Variants in NRG1 observed in about 807,000 individuals in gnomAD.
NRG1 encodes the protein neuregulin 1.
Under a neutral mutation model 63.8 loss-of-function variants are expected in NRG1, and 18 were observed. The observed-to-expected ratio is 0.28, with a 90% CI of 0.19 to 0.42. NRG1 has a LOEUF of 0.42. Ranked by LOEUF, NRG1 falls within the 10% of genes least tolerant of loss-of-function variation. The pLI, the probability that NRG1 is intolerant of heterozygous loss-of-function variation, is 1.00. For synonymous variants in NRG1, 302 were observed against 301.3 expected (o/e 1.00, Z -0.02); for missense variants, 762 against 814.7 (o/e 0.94, Z 0.79).
intron 1 of NRG1, among the ~76,000 whole-genome samples, chr8:31,855,065 G>A (rs1262735198): frequency 1.3e-5 from 2 of 152,046 alleles, no homozygotes; most frequent in Admixed American, 6.5e-5. Flanking sequence ...GTGTGGTGTG[G>A]TGCTGAAAAA....
intron 1 of NRG1, among the ~76,000 whole-genome samples, chr8:32,094,616 A>T (rs945786156): frequency 6.6e-6 from 1 of 152,164 alleles, no homozygotes; most frequent in East Asian, 1.9e-4. Flanking sequence ...GCTAAGAGGG[A>T]TATAATGAGT....
intron 1 of NRG1, among the ~76,000 whole-genome samples, chr8:32,358,584 A>C (rs2129480855): frequency 6.6e-6 from 1 of 152,276 alleles, no homozygotes; most frequent in African/African-American, 2.4e-5. Flanking sequence ...GCATGACAGA[A>C]GTACAGGAAT....
chr8:32,319,042 G>T lies in NRG1; in HGVS notation c.38-276786G>T, dbSNP rs538073780. Among the ~76,000 whole-genome samples, 4 of 152,254 alleles carry T rather than the reference G, an allele frequency of 2.6e-5. No homozygotes were observed. The South Asian group carries it at 6.2e-4, about 24-fold the overall frequency. On this transcript the variant is annotated intron_variant, in intron 1 of 10. Coordinates refer to the NRG1 transcript ENST00000519301. ...CTTGCCAACACCACTGATGTTTGAC[G>T]TGAAGGTGAAAAGTTCAGTGGCCCA...
intron 1 of NRG1, among the ~76,000 whole-genome samples, chr8:31,737,095 A>G (rs1012418556): frequency 5.3e-5 from 8 of 152,136 alleles, no homozygotes; most frequent in African/African-American, 1.4e-4. Flanking sequence ...AAAGATATCA[A>G]ACTTATTAGA....
At chr8:32,113,482 C>T (rs1585382046) in intron 1 of NRG1, among the ~76,000 whole-genome samples, 1 of 152,156 alleles carries the variant, frequency 6.6e-6, no homozygotes. Context: ...TCCTTGGTTC[C>T]TCCAGCCTGA....
At chr8:32,269,466 GGT>G (rs1161682286) in intron 1 of NRG1, among the ~76,000 whole-genome samples, 1 of 152,108 alleles carries the variant, frequency 6.6e-6, no homozygotes, top group African/African-American at 2.4e-5. Context: ...CTTTCCCAGA[GGT>G]GAAGCTTTGA....
chr8:32,748,337 G>GCA (rs1310986635), intron 7 of NRG1, among the ~76,000 whole-genome samples: 9,567 of 103,734 alleles, frequency 0.092, 413 homozygotes, highest in Admixed American at 0.12. Flanking sequence ...ACGCGCGCGC[G>GCA]CGCACACACA....
In NRG1 at chr8:32,222,034, T is replaced by TATACACACACAC. The variant is rs1554658204; in HGVS notation, c.38-373793_38-373792insTACACACACACA. 1.6e-3 allele frequency among the ~76,000 whole-genome samples: 240 copies of TATACACACACAC among 148,698 alleles called. 1 individual carries two copies. Among genetic ancestry groups the TATACACACACAC allele is most frequent in the African/African-American group, 5.7e-3 (230 of 40,610 alleles). On this transcript the variant is annotated intron_variant, in intron 1 of 10. Coordinates refer to the NRG1 transcript ENST00000519301. The stretch of plus-strand genomic sequence containing the variant: ...TAAAGTGTCTATATGGAAACATACA[T>TATACACACACAC]ACACACACACACACACACACACACA...
chr8:32,494,641 T>C (rs765020597), intron 1 of NRG1, among the ~76,000 whole-genome samples: 1 of 152,162 alleles, frequency 6.6e-6, no homozygotes, highest in Non-Finnish European at 1.5e-5. Context: ...AAAAGCTAAA[T>C]GGACAGTTGG....
chr8:31,988,867 CA>C (rs1810536957), intron 1 of NRG1, among the ~76,000 whole-genome samples: 1 of 152,010 alleles, frequency 6.6e-6, no homozygotes, highest in African/African-American at 2.4e-5. Flanking sequence ...ACCATTCCAG[CA>C]AATTCCGGAA....
At chr8:32,058,063 T>G (rs1215382193) in intron 1 of NRG1, among the ~76,000 whole-genome samples, 3 of 152,076 alleles carry the variant, frequency 2.0e-5, no homozygotes, top group African/African-American at 7.2e-5. Context: ...ACCGACTTGA[T>G]CTTTACAAGT....
chr8:32,000,840 A>C (rs1299069716), intron 1 of NRG1, among the ~76,000 whole-genome samples: 1 of 151,998 alleles, frequency 6.6e-6, no homozygotes, highest in Non-Finnish European at 1.5e-5. Context: ...CCTAATATAA[A>C]ACTTCATTTT....
chr8:32,086,034 A>T (rs1828173117), intron 1 of NRG1, among the ~76,000 whole-genome samples: 1 of 152,214 alleles, frequency 6.6e-6, no homozygotes, highest in African/African-American at 2.4e-5. Context: ...AATCCTCACA[A>T]GGCACAGAAA....
At chr8:31,972,681 C>G (rs554917076) in intron 1 of NRG1, among the ~76,000 whole-genome samples, 1 of 152,264 alleles carries the variant, frequency 6.6e-6, no homozygotes, top group African/African-American at 2.4e-5. Flanking sequence ...GAGCAGGTCT[C>G]TCATCGCCCT....
At position 32,356,474 on chromosome 8, in the gene NRG1, A is replaced by ACCCCC. The variant is rs11426642; in HGVS notation, c.38-239348_38-239344dup. Among the ~76,000 whole-genome samples, 21 of 69,314 alleles carry ACCCCC rather than the reference A, an allele frequency of 3.0e-4. 1 individual carries two copies. Among genetic ancestry groups the ACCCCC allele is most frequent in the South Asian group, 5.4e-4 (1 of 1,852 alleles). The allele number at this position is 69,314 out of a possible 152,430, so 45.5% of individuals were successfully genotyped here. On this transcript the variant is annotated intron_variant, in intron 1 of 10. Transcript: ENST00000519301. Reference sequence around the variant, plus strand: ...AATCACACAGAGTTTCCTTGTTGGGACCCCCCCCCCACCCGCCGGGCCCCA... The same window carrying ACCCCC: ...AATCACACAGAGTTTCCTTGTTGGGACCCCCCCCCCCCCCCACCCGCCGGGCCCCA...
At chr8:32,754,741 T>C (rs540518427) in intron 8 of NRG1, among the ~76,000 whole-genome samples, 137 of 152,224 alleles carry the variant, frequency 9.0e-4, no homozygotes, top group African/African-American at 3.2e-3. Context: ...CAGGCTTGTA[T>C]GGAAGGTATG....
intron 1 of NRG1, among the ~76,000 whole-genome samples, chr8:32,239,320 C>CAA (rs561093846): frequency 3.8e-5 from 5 of 131,890 alleles, no homozygotes; most frequent in South Asian, 2.5e-4. Flanking sequence ...TATCCAAAGG[C>CAA]AAAAAAAAAA....
intron 3 of NRG1, among the ~76,000 whole-genome samples, chr8:32,608,087 T>G (rs1845582755): frequency 8.3e-6 from 1 of 119,914 alleles, no homozygotes; most frequent in Non-Finnish European, 1.6e-5. Flanking sequence ...ACCCAGGTTT[T>G]TTTTGTTTTT....
intron 1 of NRG1, among the ~76,000 whole-genome samples, chr8:32,317,659 A>T (rs1461813174): frequency 6.6e-6 from 1 of 152,234 alleles, no homozygotes; most frequent in Non-Finnish European, 1.5e-5. Context: ...GCTCGAAATC[A>T]CAGAACGTAC....
Sources: gnomAD v4.1 joint callset for allele counts (sites outside exome capture counted in the v4.1 genomes callset) on GRCh38, gnomAD v4.1.1 for gene constraint, MANE v1.5 for transcripts, NCBI Gene and HGNC (gene_info 2026-07-23, HGNC 2026-07-21) for gene names.